Variants in ANKRD44 observed in about 807,000 individuals in gnomAD.
The protein encoded by ANKRD44 is serine/threonine-protein phosphatase 6 regulatory ankyrin repeat subunit B.
A neutral mutation model predicts 116.0 loss-of-function variants in ANKRD44; 35 were observed. The observed-to-expected ratio is 0.30, with a 90% CI of 0.23 to 0.40. ANKRD44 has a LOEUF of 0.40. ANKRD44 is among the 10% of genes least tolerant of loss of function. The probability of loss-of-function intolerance (pLI) is 1.00; values close to 1 mark genes in which losing one functional copy is unlikely to be tolerated. For synonymous variants in ANKRD44, 435 were observed against 461.8 expected, an observed-to-expected ratio of 0.94 and a Z score of 0.74; for missense variants, 1,014 against 1,242.6, an observed-to-expected ratio of 0.82 and a Z score of 2.77.
At chr2:197,059,163 G>T (rs558749264) in intron 16 of ANKRD44, among the ~76,000 whole-genome samples, 2 of 152,224 alleles carry the variant, frequency 1.3e-5, no homozygotes, top group South Asian at 2.1e-4. Context: ...GGTTGGAAGG[G>T]CATGTAGCAG....
At chr2:197,133,947 C>CTCTTTCT (rs1553515723) in intron 4 of ANKRD44, 1 of 56,460 alleles carries the variant, frequency 1.8e-5, no homozygotes, top group Non-Finnish European at 3.7e-5. Context: ...CTTTTTCTTT[C>CTCTTTCT]TTTTTTTTTT....
chr2:197,238,623 G>A (rs372748739), intron 1 of ANKRD44, among the ~76,000 whole-genome samples: 10 of 151,978 alleles, frequency 6.6e-5, no homozygotes, highest in South Asian at 4.2e-4. Context: ...TTTCTCCCTC[G>A]TTGTAAACAA....
intron 27 of ANKRD44, among the ~76,000 whole-genome samples, chr2:196,991,763 GTTT>G: frequency 6.9e-6 from 1 of 144,970 alleles, no homozygotes. Flanking sequence ...TCTTTTTTTG[GTTT>G]TTTTTTTTTG....
intron 4 of ANKRD44, chr2:197,135,048 G>A (rs900682508): frequency 6.6e-6 from 1 of 152,094 alleles, no homozygotes; most frequent in Admixed American, 6.6e-5. Context: ...CATTCCATGC[G>A]GGATATTTGG....
At chr2:197,211,187 G>T (rs2081316585) in intron 1 of ANKRD44, among the ~76,000 whole-genome samples, 1 of 152,194 alleles carries the variant, frequency 6.6e-6, no homozygotes, top group Non-Finnish European at 1.5e-5. Context: ...AGGACACCCA[G>T]GAGCAGCATC....
intron 1 of ANKRD44, among the ~76,000 whole-genome samples, chr2:197,236,161 G>C (rs941976243): frequency 6.6e-6 from 1 of 152,156 alleles, no homozygotes; most frequent in African/African-American, 2.4e-5. Context: ...GGCTGCAAGG[G>C]ACTTCTCTTC....
intron 18 of ANKRD44, among the ~76,000 whole-genome samples, chr2:197,011,189 A>G (rs942134922): frequency 2.0e-5 from 3 of 152,240 alleles, no homozygotes; most frequent in Admixed American, 1.3e-4. Context: ...CTGGCAAAGG[A>G]CTGACAGCTG....
chr2:197,122,853 T>C (rs2078889179), intron 6 of ANKRD44, 61 bp from the exon 7 acceptor site: 3 of 1,562,694 alleles, frequency 1.9e-6, no homozygotes, highest in Non-Finnish European at 2.6e-6. Flanking sequence ...GCTGATTCAT[T>C]TCACCTAAAT....
chr2:197,246,544 G>C (rs1046774842), intron 1 of ANKRD44, among the ~76,000 whole-genome samples: 5 of 151,398 alleles, frequency 3.3e-5, no homozygotes, highest in African/African-American at 1.2e-4. Flanking sequence ...CCTACAATGG[G>C]ACCTTGAATT....
At chr2:197,248,932 G>A (rs2082256950) in intron 1 of ANKRD44, among the ~76,000 whole-genome samples, 1 of 152,128 alleles carries the variant, frequency 6.6e-6, no homozygotes, top group Non-Finnish European at 1.5e-5. Flanking sequence ...TGAAAATTCT[G>A]TAATATATAA....
chr2:197,239,486 T>C (rs1273778909), intron 1 of ANKRD44, among the ~76,000 whole-genome samples: 1 of 152,142 alleles, frequency 6.6e-6, no homozygotes. Context: ...CACTTTGGCC[T>C]CCCAAAGTGC....
intron 25 of ANKRD44, among the ~76,000 whole-genome samples, chr2:196,996,796 C>A (rs544283636): frequency 6.8e-6 from 1 of 146,962 alleles, no homozygotes; most frequent in Non-Finnish European, 1.5e-5. Flanking sequence ...CCCAGCTACT[C>A]GGGTGGCTGA....
At chr2:197,108,587 C>T (rs1233860994) in intron 9 of ANKRD44, among the ~76,000 whole-genome samples, 1 of 152,084 alleles carries the variant, frequency 6.6e-6, no homozygotes, top group Non-Finnish European at 1.5e-5. Context: ...ACCTGTTAGC[C>T]CAGCATTTTG....
intron 16 of ANKRD44, among the ~76,000 whole-genome samples, chr2:197,069,046 T>C (rs1161405757): frequency 2.6e-5 from 4 of 152,026 alleles, no homozygotes; most frequent in East Asian, 1.9e-4. Context: ...TTGGAACCAA[T>C]CCAAATGTCC....
intron 1 of ANKRD44, among the ~76,000 whole-genome samples, chr2:197,194,769 C>T (rs1040930545): frequency 5.3e-5 from 8 of 152,050 alleles, no homozygotes; most frequent in Non-Finnish European, 1.0e-4. Context: ...TAATTCCTTG[C>T]AACAAAATGG....
intron 1 of ANKRD44, among the ~76,000 whole-genome samples, chr2:197,187,644 T>TCTC (rs2080713038): frequency 7.4e-6 from 1 of 134,638 alleles, no homozygotes; most frequent in Admixed American, 7.6e-5. Context: ...CACGTTCTCA[T>TCTC]TCTCTCTCTC....
intron 20 of ANKRD44, among the ~76,000 whole-genome samples, chr2:197,006,160 C>T (rs1034194039): frequency 6.6e-6 from 1 of 152,116 alleles, no homozygotes; most frequent in Admixed American, 6.5e-5. Context: ...TATCATGATG[C>T]GGCCGGGCGT....
intron 1 of ANKRD44, among the ~76,000 whole-genome samples, chr2:197,234,778 T>C (rs950906571): frequency 1.8e-4 from 28 of 152,228 alleles, no homozygotes; most frequent in Admixed American, 7.2e-4. Context: ...CTCGGGATTC[T>C]ACCTGATAAC....
At position 197,202,842 on chromosome 2, in the gene ANKRD44, T is replaced by C. The variant is rs538811105; in HGVS notation, c.28-15736A>G. Among the ~76,000 whole-genome samples the C allele has an allele frequency of 1.2e-4, 18 of 151,418 alleles. No homozygotes were observed. The South Asian group carries it at 3.6e-3, about 30-fold the overall frequency. ...ATCCACCCGCCTTAGCCTCCTAAAG[T>C]GCTGGGATTACAGGTGTGAGCCACC... On this transcript the variant is annotated intron_variant, in intron 1 of 27. Transcript: ENST00000282272.
Sources: gnomAD v4.1 joint callset for allele counts (sites outside exome capture counted in the v4.1 genomes callset) on GRCh38, gnomAD v4.1.1 for gene constraint, MANE v1.5 for transcripts, NCBI Gene and HGNC (gene_info 2026-07-23, HGNC 2026-07-21) for gene names.